CLUL1: variants seen among roughly 807,000 people sequenced by gnomAD.
CLUL1 encodes clusterin-like protein 1.
A neutral mutation model predicts 49.4 loss-of-function variants in CLUL1; 43 were observed. That is an observed-to-expected ratio of 0.87 (90% CI 0.68 to 1.12). CLUL1 has a LOEUF of 1.12. CLUL1 is among the 50% of genes most tolerant of loss of function. The pLI is 0.00. For missense variants in CLUL1, 486 were observed against 544.4 expected, an observed-to-expected ratio of 0.89 and a Z score of 1.07; for synonymous variants, 192 against 184.9, an observed-to-expected ratio of 1.04 and a Z score of -0.31.
At chr18:600,522 C>A (rs553916069) in intron 1 of CLUL1, among the ~76,000 whole-genome samples, 1 of 145,386 alleles carries the variant, frequency 6.9e-6, no homozygotes, top group African/African-American at 2.6e-5. Context: ...AAGGGATTTG[C>A]AGTTTACAGA....
chr18:645,283 C>CTGAT, intron 9 of CLUL1, 186 bp downstream of exon 9: 2 of 467,434 alleles, frequency 4.3e-6, no homozygotes, highest in South Asian at 1.0e-4. Flanking sequence ...CCAGGAAATC[C>CTGAT]TGATAGGAAT....
At chr18:612,249 T>C (rs914779803) in intron 2 of CLUL1, among the ~76,000 whole-genome samples, 3 of 152,200 alleles carry the variant, frequency 2.0e-5, no homozygotes, top group African/African-American at 7.2e-5. Flanking sequence ...CTTCAAAAAA[T>C]GTATGTATTT....
chr18:642,355 C>T (rs1260574969), intron 8 of CLUL1, among the ~76,000 whole-genome samples: 2 of 152,100 alleles, frequency 1.3e-5, no homozygotes, highest in Non-Finnish European at 2.9e-5. Context: ...TCACTTGAAC[C>T]CGGAAGGCAG....
chr18:628,490 A>G (rs747592676), intron 6 of CLUL1, among the ~76,000 whole-genome samples: 2 of 152,210 alleles, frequency 1.3e-5, no homozygotes, highest in Non-Finnish European at 2.9e-5. Context: ...TAGATACCGC[A>G]TTCGAGAATG....
At chr18:605,867 G>A (rs1299164756) in intron 1 of CLUL1, among the ~76,000 whole-genome samples, 1 of 152,054 alleles carries the variant, frequency 6.6e-6, no homozygotes, top group Admixed American at 6.6e-5. Flanking sequence ...GTAGAGATGG[G>A]ATTTTGCCAT....
At chr18:616,043 A>G (rs1185356741) in intron 2 of CLUL1, among the ~76,000 whole-genome samples, 2 of 152,204 alleles carry the variant, frequency 1.3e-5, no homozygotes, top group Non-Finnish European at 2.9e-5. Context: ...AAACTTGCAA[A>G]CAGGGCGCAG....
Position 641,521 on chromosome 18 carries a change from A to G in CLUL1, c.1189A>G (p.Ile397Val). 6.2e-7 allele frequency: 1 copy of G among 1,614,172 alleles called. No individual in the cohort carries two copies. Among genetic ancestry groups the G allele is most frequent in the Non-Finnish European group, 8.5e-7 (1 of 1,180,006 alleles). ...ELANQAPETEIIFNSIQVVPR... is the reference protein window; with the variant it reads ...ELANQAPETEVIFNSIQVVPR... ...GGCAAACCAGGCCCCAGAAACAGAG[A>G]TCATCTTTAATTCAATACAGGTAAA... Residue 397 changes from isoleucine to valine, a missense_variant, in exon 8 of 10, where the codon ATC becomes GTC. Physicochemically the swap from Ile to Val is conservative, Grantham distance 29. Transcript: ENST00000692774.
At position 606,677 on chromosome 18, in the gene CLUL1, GTCTT is replaced by G; in HGVS notation, c.-135-300_-135-297del. ...TCAGTGTAGCCAAAAGGCTATTGGA[GTCTT>G]CTCAAATGAAAGAGATTTTATCAAA... On this transcript the variant is annotated intron_variant, in intron 1 of 9. Coordinates refer to ENST00000692774, the MANE Select transcript of CLUL1 (RefSeq NM_001393344.1). This position sits in a 1 kb window ranked among gnomAD's most constrained non-coding sequence, Gnocchi z 4.1. Among the ~76,000 whole-genome samples, 2 of 152,286 alleles carry G rather than the reference GTCTT, an allele frequency of 1.3e-5. No homozygotes were observed.
At chr18:640,800 C>A (rs562829303) in intron 7 of CLUL1, among the ~76,000 whole-genome samples, 12 of 152,214 alleles carry the variant, frequency 7.9e-5, no homozygotes, top group Admixed American at 1.3e-4. Flanking sequence ...ATTATAATTT[C>A]ATTACTGATA....
At chr18:631,673 C>T (rs1377349297) in intron 6 of CLUL1, among the ~76,000 whole-genome samples, 1 of 152,092 alleles carries the variant, frequency 6.6e-6, no homozygotes, top group Non-Finnish European at 1.5e-5. Flanking sequence ...ATGACACAGC[C>T]TCTGACTTCC....
At chr18:644,341 G>A (rs930542972) in intron 8 of CLUL1, among the ~76,000 whole-genome samples, 5 of 152,208 alleles carry the variant, frequency 3.3e-5, no homozygotes, top group African/African-American at 4.8e-5. Flanking sequence ...TATTCATTAA[G>A]AGTAACATAA....
intron 9 of CLUL1, among the ~76,000 whole-genome samples, chr18:645,480 A>G (rs1276024135): frequency 2.0e-5 from 3 of 152,098 alleles, no homozygotes; most frequent in East Asian, 1.9e-4. Context: ...TCCAAGATCT[A>G]GATTTGCAGC....
chr18:630,931 A>G (rs1343455462), intron 6 of CLUL1, among the ~76,000 whole-genome samples: 3 of 151,786 alleles, frequency 2.0e-5, no homozygotes, highest in Non-Finnish European at 4.4e-5. Flanking sequence ...CTTCTGACCT[A>G]AAAGACCAAA....
At chr18:631,950 T>G (rs898482204) in intron 6 of CLUL1, among the ~76,000 whole-genome samples, 2 of 152,172 alleles carry the variant, frequency 1.3e-5, no homozygotes, top group African/African-American at 4.8e-5. Context: ...GAAACTGACT[T>G]TCTGGTCACC....
At chr18:635,810 C>G (rs2074119485) in intron 7 of CLUL1, among the ~76,000 whole-genome samples, 1 of 152,182 alleles carries the variant, frequency 6.6e-6, no homozygotes, top group Non-Finnish European at 1.5e-5. Flanking sequence ...GATCTTCGCT[C>G]ACTGAAACCT....
intron 2 of CLUL1, chr18:614,409 C>T (rs1397566160): frequency 2.6e-5 from 4 of 152,154 alleles, no homozygotes; most frequent in African/African-American, 4.8e-5. Context: ...AGTCTGATGA[C>T]AGCTGCTATT....
Position 618,264 on chromosome 18 carries a change from T to C in CLUL1, c.106+158T>C, listed in dbSNP as rs185234391. ...CCAGGTCATCCTGACGCCAAACATC[T>C]GGGTAAAAATAGAAAATTCCAATCA... On this transcript the variant is annotated intron_variant, in intron 3 of 9. Coordinates refer to ENST00000692774, the MANE Select transcript of CLUL1 (RefSeq NM_001393344.1). The surrounding 1 kb of genome is among the most constrained non-coding windows in gnomAD (Gnocchi z 4.2). Among the ~76,000 whole-genome samples the C allele has an allele frequency of 2.3e-4, 35 of 152,292 alleles. No individual in the cohort carries two copies. The highest frequency in any genetic ancestry group is 8.4e-4 in the African/African-American group (35 of 41,554).
chr18:627,068 C>G (rs1314338327), intron 5 of CLUL1, 29 bp from the exon 6 acceptor site: 3 of 1,293,324 alleles, frequency 2.3e-6, no homozygotes, highest in Non-Finnish European at 3.2e-6. Flanking sequence ...ATTTTTTATT[C>G]CATTTCTGTC....
At chr18:613,042 T>C (rs1338737161) in intron 2 of CLUL1, 3 of 318,856 alleles carry the variant, frequency 9.4e-6, no homozygotes. Flanking sequence ...AATTTTCTCA[T>C]TTTGTATTCA....
Sources: allele counts gnomAD v4.1 joint callset (sites outside exome capture counted in the v4.1 genomes callset), GRCh38; gene constraint gnomAD v4.1.1; non-coding constraint Gnocchi (gnomAD v3.1); transcripts MANE v1.5; gene names NCBI Gene and HGNC (gene_info 2026-07-23, HGNC 2026-07-21).